Variants in TRABD2B observed in about 807,000 individuals in gnomAD.
TRABD2B encodes metalloprotease TIKI2.
In TRABD2B, 14 loss-of-function variants were observed where a neutral mutation model predicts 40.1. The observed-to-expected ratio is 0.35, with a 90% confidence interval of 0.23 to 0.55. The LOEUF (loss-of-function observed/expected upper bound fraction) is 0.55. Among genes scored for constraint, TRABD2B ranks in the 20% least tolerant of loss-of-function variants. The probability of loss-of-function intolerance (pLI) is 0.90; values close to 1 mark genes in which losing one functional copy is unlikely to be tolerated. For missense variants in TRABD2B, 541 were observed against 648.6 expected, an observed-to-expected ratio of 0.83 and a Z score of 1.80; for synonymous variants, 263 against 277.0, an observed-to-expected ratio of 0.95 and a Z score of 0.50.
At chr1:47,767,900 G>T (rs1039501360) in intron 6 of TRABD2B, among the ~76,000 whole-genome samples, 3 of 152,194 alleles carry the variant, frequency 2.0e-5, no homozygotes, top group Non-Finnish European at 2.9e-5. Context: ...ACCACCACCA[G>T]AACTAAGTCC....
intron 2 of TRABD2B, among the ~76,000 whole-genome samples, chr1:47,901,006 G>A (rs1644593362): frequency 6.6e-6 from 1 of 152,198 alleles, no homozygotes; most frequent in Non-Finnish European, 1.5e-5. Context: ...CATTAGGTTA[G>A]TTGTGCCCGT....
rs1294193427 is a variant in TRABD2B at position 47,801,520 on chromosome 1, T to G, written c.766A>C (p.Asn256His). The change falls in exon 3 of 7, where the codon AAC becomes CAC. Residue 256 changes from asparagine to histidine, a missense_variant. Around this residue, in one of 2 missense-constraint regions of TRABD2B, gnomAD observed 369 missense variants for 492.8 expected, o/e 0.75. Transcript: ENST00000606738. ...YTTEDLIKHYNCGDLSAVIFN... is the reference protein window; with the variant it reads ...YTTEDLIKHYHCGDLSAVIFN... ...ATGACTGCGCTGAGGTCTCCGCAGT[T>G]GTAGTGCTTGATGAGGTCCTCCGTG... is the stretch of plus-strand genomic sequence containing the variant. 2.0e-6 allele frequency: 3 copies of G among 1,536,092 alleles called. No individual in the cohort carries two copies. The highest frequency in any genetic ancestry group is 1.7e-6 in the Non-Finnish European group (2 of 1,146,888).
chr1:47,935,557 CA>C (rs1645096035), intron 2 of TRABD2B, among the ~76,000 whole-genome samples: 2 of 152,142 alleles, frequency 1.3e-5, no homozygotes, highest in South Asian at 2.1e-4. Context: ...TTAGGGCAGT[CA>C]CTTATTACTG....
At chr1:47,926,342 A>G (rs1386885707) in intron 2 of TRABD2B, among the ~76,000 whole-genome samples, 3 of 152,156 alleles carry the variant, frequency 2.0e-5, no homozygotes, top group Admixed American at 6.5e-5. Context: ...AGTGCGTTCT[A>G]TTGCACTGTA....
chr1:47,805,343 T>TAG (rs1644877316), intron 2 of TRABD2B, among the ~76,000 whole-genome samples: 2 of 152,210 alleles, frequency 1.3e-5, no homozygotes, highest in Non-Finnish European at 2.9e-5. Context: ...AATAGTCTAT[T>TAG]ACAAATATAT....
Position 47,765,937 on chromosome 1 carries a change from C to CAGCGATGGTGGT in TRABD2B, c.1507_1518dup (p.Thr503_Ala506dup). On this transcript the variant is annotated inframe_insertion, in exon 7 of 7. Transcript: ENST00000606738. The stretch of plus-strand genomic sequence containing the variant: ...CCAAGGCTATGCAGCAGGAAGCAGA[C>CAGCGATGGTGGT]AGCGATGGTGGTGGCGATGGCGGGG... 2.8e-6 allele frequency: 2 copies of CAGCGATGGTGGT among 702,982 alleles called. No homozygotes were observed. Among genetic ancestry groups the CAGCGATGGTGGT allele is most frequent in the Non-Finnish European group, 5.2e-6 (2 of 384,972 alleles). The allele number at this position is 702,982 out of a possible 1,614,324, so 43.5% of individuals were successfully genotyped here.
intron 2 of TRABD2B, among the ~76,000 whole-genome samples, chr1:47,846,390 C>T (rs913666270): frequency 5.3e-5 from 8 of 152,114 alleles, no homozygotes; most frequent in African/African-American, 1.9e-4. Context: ...TGAGAAGGAG[C>T]TGATGTGGTA....
At position 47,850,966 on chromosome 1, in the gene TRABD2B, C is replaced by G. The variant is rs558510628; in HGVS notation, c.667-49347G>C. On this transcript the variant is annotated intron_variant, in intron 2 of 6. Coordinates refer to ENST00000606738, the MANE Select transcript of TRABD2B (RefSeq NM_001194986.2). ...TGCACAGTTCACAACAGGGTTCATG[C>G]TCCTCTGAGAATCTAATGCCACCGC... Among the ~76,000 whole-genome samples the G allele has an allele frequency of 2.0e-5, 3 of 152,322 alleles. No individual in the cohort carries two copies. In the South Asian group the frequency reaches 6.2e-4, roughly 32 times the overall value.
In TRABD2B at chr1:47,951,129, G is replaced by A. The variant is rs545982842; in HGVS notation, c.666+42905C>T. Among the ~76,000 whole-genome samples the A allele has an allele frequency of 3.9e-5, 6 of 152,274 alleles. No individual in the cohort carries two copies. In the East Asian group the frequency reaches 9.7e-4, roughly 25 times the overall value. On this transcript the variant is annotated intron_variant, in intron 2 of 6. Coordinates refer to ENST00000606738, the MANE Select transcript of TRABD2B (RefSeq NM_001194986.2). ...CTGATGGGCTGAGACTTCAGGCGTCGACTCTCCTTTCCTCCCCAGCGCCAA... is the reference window on the plus strand; with the variant it reads ...CTGATGGGCTGAGACTTCAGGCGTCAACTCTCCTTTCCTCCCCAGCGCCAA...
intron 2 of TRABD2B, among the ~76,000 whole-genome samples, chr1:47,993,479 G>C (rs1646042614): frequency 6.6e-6 from 1 of 152,214 alleles, no homozygotes; most frequent in Non-Finnish European, 1.5e-5. Context: ...GCCTTAGCGA[G>C]GCGGTCCGAG....
At chr1:47,947,855 C>T (rs1169884677) in intron 2 of TRABD2B, among the ~76,000 whole-genome samples, 1 of 152,192 alleles carries the variant, frequency 6.6e-6, no homozygotes, top group African/African-American at 2.4e-5. Context: ...GAAACCGAGG[C>T]TCAGAGGGTA....
chr1:47,962,385 T>A (rs1645534517), intron 2 of TRABD2B, among the ~76,000 whole-genome samples: 2 of 152,120 alleles, frequency 1.3e-5, no homozygotes, highest in South Asian at 4.2e-4. Flanking sequence ...AATAAATAAA[T>A]AAAAAGAAAC....
intron 2 of TRABD2B, among the ~76,000 whole-genome samples, chr1:47,872,753 C>T (rs1644162958): frequency 6.6e-6 from 1 of 152,044 alleles, no homozygotes; most frequent in Admixed American, 6.6e-5. Flanking sequence ...GATAGGGAGT[C>T]CCTTGAGAAG....
intron 2 of TRABD2B, among the ~76,000 whole-genome samples, chr1:47,928,669 C>G (rs1455483745): frequency 6.6e-6 from 1 of 152,250 alleles, no homozygotes; most frequent in Admixed American, 6.5e-5. Context: ...GTCCAATCCT[C>G]TAGCAAAAAG....
Position 47,823,669 on chromosome 1 carries a change from G to C in TRABD2B, c.667-22050C>G, listed in dbSNP as rs1366363157. Among the ~76,000 whole-genome samples, 7 of 152,314 alleles carry C rather than the reference G, an allele frequency of 4.6e-5. No homozygotes were observed. The East Asian group carries it at 1.2e-3, about 25-fold the overall frequency. On this transcript the variant is annotated intron_variant, in intron 2 of 6. Transcript: ENST00000606738. ...ACAGACTGAGAATGGGGTGGTGAGA[G>C]AGAGGCCTTCAGCCCGGCTGAACAG...
chr1:47,917,098 C>T (rs558709275), intron 2 of TRABD2B, among the ~76,000 whole-genome samples: 1 of 152,302 alleles, frequency 6.6e-6, no homozygotes, highest in African/African-American at 2.4e-5. Flanking sequence ...AGATGGTGTT[C>T]AGGTGTCATG....
chr1:47,788,590 T>G (rs1644628200), intron 4 of TRABD2B, among the ~76,000 whole-genome samples: 1 of 152,200 alleles, frequency 6.6e-6, no homozygotes, highest in Admixed American at 6.5e-5. Flanking sequence ...TGGAAGGCTC[T>G]TAGCTCCATA....
chr1:47,958,188 T>C (rs1290400281), intron 2 of TRABD2B, among the ~76,000 whole-genome samples: 7 of 146,914 alleles, frequency 4.8e-5, no homozygotes. Flanking sequence ...CAGGCCTGCC[T>C]TACAAGAGCT....
intron 2 of TRABD2B, among the ~76,000 whole-genome samples, chr1:47,886,463 A>G: frequency 6.6e-6 from 1 of 152,200 alleles, no homozygotes; most frequent in East Asian, 1.9e-4. Context: ...AATGGTTGAT[A>G]GAACTGAATT....
Sources: gnomAD v4.1 joint callset for allele counts (sites outside exome capture counted in the v4.1 genomes callset) on GRCh38, gnomAD v4.1.1 for gene constraint, gnomAD v4.1.1 regional missense constraint, MANE v1.5 for transcripts, NCBI Gene and HGNC (gene_info 2026-07-23, HGNC 2026-07-21) for gene names.